SPAG9: variants seen among roughly 807,000 people sequenced by gnomAD.
SPAG9 encodes sperm associated antigen 9.
SPAG9 carries 35 observed loss-of-function variants against 166.5 expected under a neutral mutation model. That is an observed-to-expected ratio of 0.21 (90% CI 0.16 to 0.28). SPAG9 has a LOEUF of 0.28. SPAG9 is among the 10% of genes least tolerant of loss of function. The pLI is 1.00. For synonymous variants in SPAG9, 534 were observed against 565.5 expected (o/e 0.94, Z 0.79); for missense variants, 1,235 against 1,603.3 (o/e 0.77, Z 3.92).
intron 9 of SPAG9, among the ~76,000 whole-genome samples, chr17:51,007,684 G>C (rs1469461801): frequency 6.6e-6 from 1 of 151,960 alleles, no homozygotes; most frequent in East Asian, 1.9e-4. Context: ...ACACTACATA[G>C]GGTAAAAAAG....
intron 2 of SPAG9, among the ~76,000 whole-genome samples, chr17:51,077,081 T>TCTAGCTAGCTATCTAGCTAG (rs2048030522): frequency 9.1e-6 from 1 of 109,624 alleles, no homozygotes. Context: ...TATCTAGCTA[T>TCTAGCTAGCTATCTAGCTAG]CTAGCTAGCT....
intron 5 of SPAG9, among the ~76,000 whole-genome samples, chr17:51,037,685 A>ATATAGTGTGTGT: frequency 5.7e-4 from 48 of 83,508 alleles, no homozygotes; most frequent in African/African-American, 1.8e-3. Flanking sequence ...ATATATATAT[A>ATATAGTGTGTGT]GTGTGTGTGT....
intron 1 of SPAG9, among the ~76,000 whole-genome samples, chr17:51,092,580 T>C (rs1328601370): frequency 6.6e-6 from 1 of 151,980 alleles, no homozygotes; most frequent in East Asian, 1.9e-4. Flanking sequence ...CTCCTAAAGA[T>C]ACAATGATAT....
chr17:51,009,833 T>C (rs151116086), intron 9 of SPAG9, among the ~76,000 whole-genome samples: 1 of 152,186 alleles, frequency 6.6e-6, no homozygotes, highest in East Asian at 1.9e-4. Flanking sequence ...CAAAAATAAA[T>C]AAATAAAGTT....
intron 6 of SPAG9, 90 bp downstream of exon 6, chr17:51,031,591 T>C (rs1442480025): frequency 1.1e-6 from 1 of 906,406 alleles, no homozygotes; most frequent in Non-Finnish European, 1.8e-6. Flanking sequence ...GCTGAGCATC[T>C]GATGTCTTGA....
At chr17:51,023,854 C>T (rs1026634347) in intron 6 of SPAG9, among the ~76,000 whole-genome samples, 2 of 152,138 alleles carry the variant, frequency 1.3e-5, no homozygotes, top group African/African-American at 2.4e-5. Context: ...TTGGTACAGA[C>T]GGAGTTTTGC....
Position 51,079,619 on chromosome 17 carries a change from T to C in SPAG9, c.389A>G (p.Gln130Arg). The C allele has an allele frequency of 6.2e-7, 1 of 1,614,032 alleles. No individual in the cohort carries two copies. Among genetic ancestry groups the C allele is most frequent in the Non-Finnish European group, 8.5e-7 (1 of 1,179,906 alleles). Residue 130 changes from glutamine (Q) to arginine (R), a missense_variant, in exon 2 of 30, where the codon CAA becomes CGA. Physicochemically the swap from Gln to Arg is conservative, Grantham distance 43 (BLOSUM62 1). This residue lies in a region of SPAG9 where 288 missense variants were observed against 323.7 expected (regional missense o/e 0.89). Transcript: ENST00000262013. Reference sequence around the variant, plus strand: ...ATAGTTTTTCGCTTTCAGCTCAAGTTGTCTTGTTTGAGATTCTAAAGATTC... The same window carrying C: ...ATAGTTTTTCGCTTTCAGCTCAAGTCGTCTTGTTTGAGATTCTAAAGATTC... ...RVESLESQTR[Q>R]LELKAKNYAD...
intron 1 of SPAG9, among the ~76,000 whole-genome samples, chr17:51,095,733 TATAC>T (rs2048596758): frequency 6.8e-6 from 1 of 147,972 alleles, no homozygotes; most frequent in South Asian, 2.1e-4. Context: ...TATAGTGATA[TATAC>T]ATATAGTGAT....
At chr17:51,041,686 T>C in intron 4 of SPAG9, 35 bp from the exon 5 acceptor site, 1 of 1,605,670 alleles carries the variant, frequency 6.2e-7, no homozygotes. Context: ...TCGGCATTCA[T>C]TTATTTTGAC....
intron 11 of SPAG9, 114 bp from the exon 12 acceptor site, chr17:51,005,377 C>G: frequency 1.0e-6 from 1 of 987,216 alleles, no homozygotes; most frequent in Non-Finnish European, 1.5e-6. Flanking sequence ...TTTCTTTTCC[C>G]AAACAGGGTA....
chr17:51,062,217 C>T (rs1245822960), intron 2 of SPAG9, among the ~76,000 whole-genome samples: 1 of 152,120 alleles, frequency 6.6e-6, no homozygotes, highest in Non-Finnish European at 1.5e-5. Context: ...CCTCCCCTAC[C>T]ATCAACATCC....
chr17:50,982,913 AT>A (rs1402420772), intron 24 of SPAG9, among the ~76,000 whole-genome samples: 6 of 152,294 alleles, frequency 3.9e-5, no homozygotes, highest in Admixed American at 3.9e-4. Flanking sequence ...CCTTTAAAAC[AT>A]GCTCACAAAA....
intron 11 of SPAG9, among the ~76,000 whole-genome samples, chr17:51,005,851 C>CA (rs1332857373): frequency 6.6e-6 from 1 of 152,088 alleles, no homozygotes. Context: ...GACTCCGTCT[C>CA]AAAAAAACAG....
At chr17:51,067,393 G>A (rs771266029) in intron 2 of SPAG9, among the ~76,000 whole-genome samples, 50 of 152,226 alleles carry the variant, frequency 3.3e-4, no homozygotes, top group Middle Eastern at 3.4e-3. Flanking sequence ...GAAGGGAAGG[G>A]GAAAGCAGGA....
At chr17:51,023,484 TTGAG>T (rs1313165483) in intron 6 of SPAG9, 1 of 155,224 alleles carries the variant, frequency 6.4e-6, no homozygotes, top group Non-Finnish European at 1.4e-5. Context: ...GAAATTTTAA[TTGAG>T]TAATTTATTC....
chr17:51,088,663 T>A (rs528051320), intron 1 of SPAG9, among the ~76,000 whole-genome samples: 2 of 152,094 alleles, frequency 1.3e-5, no homozygotes, highest in African/African-American at 4.8e-5. Flanking sequence ...GCGGACTTGG[T>A]GGCGGGCGCC....
At chr17:51,029,694 G>A (rs533864084) in intron 6 of SPAG9, among the ~76,000 whole-genome samples, 5 of 152,260 alleles carry the variant, frequency 3.3e-5, no homozygotes, top group African/African-American at 1.2e-4. Context: ...TTCTATTTAT[G>A]TGCGGTATTT....
chr17:51,018,520 A>G (rs184621362), intron 8 of SPAG9, among the ~76,000 whole-genome samples: 2 of 152,300 alleles, frequency 1.3e-5, no homozygotes, highest in Admixed American at 1.3e-4. Flanking sequence ...GGAAGGTACA[A>G]AAGTTTGTTC....
At chr17:51,029,625 C>A (rs1489871443) in intron 6 of SPAG9, among the ~76,000 whole-genome samples, 1 of 152,122 alleles carries the variant, frequency 6.6e-6, no homozygotes, top group Non-Finnish European at 1.5e-5. Context: ...CATGAATGAA[C>A]CTTGAGGACA....
Sources: allele counts gnomAD v4.1 joint callset (sites outside exome capture counted in the v4.1 genomes callset), GRCh38; gene constraint gnomAD v4.1.1; regional missense constraint gnomAD v4.1.1; transcripts MANE v1.5; gene names NCBI Gene and HGNC (gene_info 2026-07-23, HGNC 2026-07-21).